Variants in ANKRD30B observed in about 807,000 individuals in gnomAD.
ANKRD30B encodes ankyrin repeat domain-containing protein 30B.
A neutral mutation model predicts 202.2 loss-of-function variants in ANKRD30B; 144 were observed. The observed-to-expected ratio is 0.71, with a 90% CI of 0.62 to 0.82. The LOEUF is 0.82. Ranked by LOEUF, ANKRD30B falls within the 40% of genes least tolerant of loss-of-function variation. ANKRD30B has a pLI of 0.00. For missense variants in ANKRD30B, 1,487 were observed against 1,669.1 expected (o/e 0.89, Z 1.90); for synonymous variants, 508 against 561.3 (o/e 0.91, Z 1.34).
At chr18:14,839,579 T>C (rs569956187) in intron 36 of ANKRD30B, among the ~76,000 whole-genome samples, 2 of 152,364 alleles carry the variant, frequency 1.3e-5, no homozygotes, top group South Asian at 4.1e-4. Context: ...TACATGTTTT[T>C]ATTTTTCTCT....
chr18:14,828,504 G>A (rs1415293619), intron 33 of ANKRD30B, among the ~76,000 whole-genome samples, 196 bp downstream of exon 33: 1 of 152,170 alleles, frequency 6.6e-6, no homozygotes, highest in Non-Finnish European at 1.5e-5. Flanking sequence ...TCAGGCAAAT[G>A]TGATTCAGAG....
At chr18:14,832,443 C>T (rs1007091394) in intron 34 of ANKRD30B, among the ~76,000 whole-genome samples, 1 of 152,054 alleles carries the variant, frequency 6.6e-6, no homozygotes, top group Non-Finnish European at 1.5e-5. Flanking sequence ...ACATATTGTT[C>T]AAAGATCTTT....
chr18:14,795,838 C>T (rs1009830091), intron 16 of ANKRD30B, among the ~76,000 whole-genome samples: 5 of 151,558 alleles, frequency 3.3e-5, no homozygotes, highest in African/African-American at 4.9e-5. Flanking sequence ...AGCATTCTTC[C>T]GTTACCTAGG....
intron 28 of ANKRD30B, among the ~76,000 whole-genome samples, chr18:14,811,041 T>A (rs1969887158): frequency 6.6e-6 from 1 of 151,072 alleles, no homozygotes; most frequent in Non-Finnish European, 1.5e-5. Context: ...CTTGAACCCA[T>A]GAGGCAGAAG....
At chr18:14,834,496 T>C (rs1489176947) in intron 34 of ANKRD30B, among the ~76,000 whole-genome samples, 2 of 151,958 alleles carry the variant, frequency 1.3e-5, no homozygotes, top group South Asian at 2.1e-4. Context: ...CTCTCTAGAA[T>C]AAAAGATATG....
At chr18:14,871,917 A>G in the ANKRD30B span, among the ~76,000 whole-genome samples, 16 of 152,302 alleles carry the variant, frequency 1.1e-4, no homozygotes, top group Admixed American at 4.6e-4. Context: ...TGAGCTTCTG[A>G]TATATACACA....
At chr18:14,921,909 C>G in the ANKRD30B span, among the ~76,000 whole-genome samples, 1 of 152,134 alleles carries the variant, frequency 6.6e-6, no homozygotes, top group Non-Finnish European at 1.5e-5. Flanking sequence ...CAAAAAGAAG[C>G]CTCCACCAAT....
chr18:14,771,599 G>C (rs1967008791), intron 8 of ANKRD30B, among the ~76,000 whole-genome samples: 2 of 152,170 alleles, frequency 1.3e-5, no homozygotes, highest in South Asian at 4.1e-4. Flanking sequence ...GCACTGTTTT[G>C]TAGTGTTTCA....
intron 32 of ANKRD30B, 144 bp downstream of exon 32, chr18:14,822,821 A>G (rs1970490634): frequency 2.7e-6 from 3 of 1,124,048 alleles, no homozygotes; most frequent in South Asian, 1.7e-5. Context: ...GTTAGTATTC[A>G]TGTTTGAGAA....
intron 3 of ANKRD30B, among the ~76,000 whole-genome samples, chr18:14,753,736 T>G (rs1913855670): frequency 6.6e-6 from 1 of 152,260 alleles, no homozygotes; most frequent in African/African-American, 2.4e-5. Context: ...TTAGAATGCC[T>G]TTAAGCCTTT....
chr18:14,771,077 G>A (rs1157117952), intron 8 of ANKRD30B, among the ~76,000 whole-genome samples: 1 of 152,146 alleles, frequency 6.6e-6, no homozygotes, highest in African/African-American at 2.4e-5. Flanking sequence ...GTTCAGTTGG[G>A]TTTTTGGTAA....
At chr18:14,873,322 G>A in the ANKRD30B span, among the ~76,000 whole-genome samples, 81 of 152,108 alleles carry the variant, frequency 5.3e-4, no homozygotes, top group South Asian at 5.2e-3. Context: ...TCAGAATTTT[G>A]AGACCAGCCT....
At chr18:14,874,877 C>T in the ANKRD30B span, among the ~76,000 whole-genome samples, 8 of 152,142 alleles carry the variant, frequency 5.3e-5, no homozygotes, top group East Asian at 1.9e-4. Flanking sequence ...GTTTGTTTTA[C>T]GCATTCCAAG....
At chr18:14,919,858 G>A in the ANKRD30B span, among the ~76,000 whole-genome samples, 1 of 152,288 alleles carries the variant, frequency 6.6e-6, no homozygotes, top group Non-Finnish European at 1.5e-5. Context: ...TCTGCACCTG[G>A]ACTTAGGCCA....
chr18:14,838,168 A>G (rs1971261433), intron 36 of ANKRD30B, among the ~76,000 whole-genome samples: 1 of 152,284 alleles, frequency 6.6e-6, no homozygotes. Flanking sequence ...AAAACAAAAT[A>G]AGGCTTAGAA....
chr18:14,902,770 A>G, the ANKRD30B span, among the ~76,000 whole-genome samples: 1 of 152,170 alleles, frequency 6.6e-6, no homozygotes, highest in Admixed American at 6.5e-5. Flanking sequence ...GTCCCACTCT[A>G]GGCCCCCTAC....
At chr18:14,769,133 AT>A (rs1916704316) in intron 7 of ANKRD30B, among the ~76,000 whole-genome samples, 1 of 152,164 alleles carries the variant, frequency 6.6e-6, no homozygotes, top group African/African-American at 2.4e-5. Context: ...GCACGAAAAT[AT>A]GCATGATTCT....
At chr18:14,919,037 G>C in the ANKRD30B span, among the ~76,000 whole-genome samples, 1 of 152,208 alleles carries the variant, frequency 6.6e-6, no homozygotes, top group African/African-American at 2.4e-5. Flanking sequence ...CCAGCCTCCA[G>C]AACTGTGAGA....
chr18:14,840,737 G>T, intron 37 of ANKRD30B, 59 bp downstream of exon 37: 1 of 946,580 alleles, frequency 1.1e-6, no homozygotes, highest in Non-Finnish European at 1.6e-6. Flanking sequence ...CAAAGCATGA[G>T]GACTGATATA....
Sources: allele counts gnomAD v4.1 joint callset (sites outside exome capture counted in the v4.1 genomes callset), GRCh38; gene constraint gnomAD v4.1.1; transcripts MANE v1.5; gene names NCBI Gene and HGNC (gene_info 2026-07-23, HGNC 2026-07-21).